Variants in UGT1A5 observed in about 807,000 individuals in gnomAD.
UGT1A5 encodes the protein UDP-glucuronosyltransferase 1A5.
In UGT1A5, 29 loss-of-function variants were observed where a neutral mutation model predicts 40.3. The ratio of observed to expected loss-of-function variants is 0.72; its 90% confidence interval spans 0.54 to 0.98. The LOEUF (loss-of-function observed/expected upper bound fraction) is 0.98, where lower values mean the gene tolerates loss of function less well. Ranked by LOEUF, UGT1A5 falls within the 50% of genes least tolerant of loss-of-function variation. The probability of loss-of-function intolerance (pLI) is 0.00; values close to 1 mark genes in which losing one functional copy is unlikely to be tolerated. For synonymous variants in UGT1A5, 257 were observed against 262.5 expected, an observed-to-expected ratio of 0.98 and a Z score of 0.20; for missense variants, 678 against 677.9, an observed-to-expected ratio of 1.00 and a Z score of 0.00.
chr2:233,713,462 C>T lies in UGT1A5; in HGVS notation c.471C>T (p.Cys157=), dbSNP rs146711966. The T allele has an allele frequency of 1.6e-4, 256 of 1,614,090 alleles. 3 individuals are homozygous for T. The African/African-American group carries it at 2.8e-3, about 18-fold the overall frequency. ...DVVLTDPFHL[C]AAVLAKYLSI... ...TTCTAACAGACCCCTTTCACCTCTG[C>T]GCGGCGGTGCTGGCTAAGTACCTGT... The change falls in exon 1 of 5, where the codon TGC becomes TGT. Residue 157 remains cysteine (C), a synonymous_variant. Transcript: ENST00000373414.
chr2:233,771,327 C>T (rs1000719908), intron 4 of UGT1A5: 1 of 152,118 alleles, frequency 6.6e-6, no homozygotes, highest in African/African-American at 2.4e-5. Context: ...TCTTCAATCT[C>T]CTCTTCATTC....
intron 1 of UGT1A5, among the ~76,000 whole-genome samples, chr2:233,724,747 C>T (rs1469881894): frequency 7.0e-6 from 1 of 143,144 alleles, no homozygotes; most frequent in Admixed American, 7.0e-5. Context: ...TCCTCACATC[C>T]CAGACGATGG....
At chr2:233,729,803 C>T in intron 1 of UGT1A5, 4 of 1,613,928 alleles carry the variant, frequency 2.5e-6, no homozygotes, top group Non-Finnish European at 3.4e-6. Flanking sequence ...ATTTGCCATG[C>T]TTTTTCTGCT....
intron 1 of UGT1A5, chr2:233,743,056 A>T: frequency 3.1e-6 from 1 of 325,774 alleles, no homozygotes; most frequent in South Asian, 2.6e-5. Context: ...AGTCCCAACG[A>T]TAAGAACAGG....
chr2:233,758,249 A>C (rs1008368022), intron 1 of UGT1A5, among the ~76,000 whole-genome samples: 1 of 152,236 alleles, frequency 6.6e-6, no homozygotes, highest in African/African-American at 2.4e-5. Context: ...CCCACTATTC[A>C]GATTAGTAAG....
At position 233,719,785 on chromosome 2, in the gene UGT1A5, A is replaced by G. The variant is rs1575529784; in HGVS notation, c.867+5927A>G. 1.1e-5 allele frequency: 18 copies of G among 1,610,188 alleles called. No homozygotes were observed. In the East Asian group the frequency reaches 3.8e-4, roughly 34 times the overall value. ...TGCTTCCATATCTACTTATCTTTCC[A>G]AAGATTTTATTTTGGCTTCTTTATA... On this transcript the variant is annotated intron_variant, in intron 1 of 4. Transcript: ENST00000373414.
At chr2:233,718,330 T>A (rs2076647730) in intron 1 of UGT1A5, among the ~76,000 whole-genome samples, 1 of 152,162 alleles carries the variant, frequency 6.6e-6, no homozygotes, top group African/African-American at 2.4e-5. Flanking sequence ...GGCTTAGCAA[T>A]GTTGTATGTC....
At position 233,772,889 on chromosome 2, in the gene UGT1A5, T is replaced by C. The variant is rs1433214773; in HGVS notation, c.*330T>C. 3.8e-6 allele frequency: 2 copies of C among 531,532 alleles called. No homozygotes were observed. The highest frequency in any genetic ancestry group is 5.3e-5 in the East Asian group (1 of 18,828). 32.9% of individuals were successfully genotyped at this position (531,532 alleles called of 1,614,324 possible). On this transcript the variant is annotated 3_prime_UTR_variant, in exon 5 of 5. Transcript: ENST00000373414. Reference sequence around the variant, plus strand: ...TGTTTGGGAGTGCGGGATTCAAAGGTGGTCCCACGGCTGCCCCTACTGCAA... The same window carrying C: ...TGTTTGGGAGTGCGGGATTCAAAGGCGGTCCCACGGCTGCCCCTACTGCAA...
intron 1 of UGT1A5, among the ~76,000 whole-genome samples, chr2:233,761,780 C>T (rs762414530): frequency 3.3e-5 from 5 of 152,172 alleles, no homozygotes; most frequent in African/African-American, 9.7e-5. Flanking sequence ...ACATCCTCAT[C>T]GAAATCTCAG....
chr2:233,724,346 CCCA>C (rs2077232466), intron 1 of UGT1A5, among the ~76,000 whole-genome samples: 1 of 148,186 alleles, frequency 6.7e-6, no homozygotes, highest in Non-Finnish European at 1.5e-5. Context: ...GCTGACCCCC[CCCA>C]CCTCCCTCCC....
In UGT1A5 at chr2:233,769,637, G is replaced by T; in HGVS notation, c.1307+1198G>T. On this transcript the variant is annotated intron_variant, in intron 4 of 4. Transcript: ENST00000373414. The surrounding 1 kb of genome is among the most constrained non-coding windows in gnomAD (Gnocchi z 4.4). ...GCTTGAGCAAGGGACAACAGGGGAG[G>T]ACTGATGACTGACTTCCCACCTTTG... is the stretch of plus-strand genomic sequence containing the variant. The T allele has an allele frequency of 1.2e-6, 2 of 1,610,100 alleles. No homozygotes were observed. The highest frequency in any genetic ancestry group is 2.2e-5 in the South Asian group (2 of 90,570).
chr2:233,761,546 G>A (rs1697796734), intron 1 of UGT1A5, among the ~76,000 whole-genome samples: 1 of 152,224 alleles, frequency 6.6e-6, no homozygotes, highest in Admixed American at 6.5e-5. Flanking sequence ...ATTCTTTGAT[G>A]ATGATAGATC....
At position 233,767,068 on chromosome 2, in the gene UGT1A5, A is replaced by G. The variant is rs1055696021; in HGVS notation, c.902A>G (p.His301Arg). 45 of 1,614,026 alleles carry G rather than the reference A, an allele frequency of 2.8e-5. No individual in the cohort carries two copies. Among genetic ancestry groups the G allele is most frequent in the Non-Finnish European group, 3.6e-5 (43 of 1,180,024 alleles). The change falls in exon 2 of 5, where the codon CAT becomes CGT. Residue 301 changes from histidine to arginine, a missense_variant. Physicochemically the swap from His to Arg is conservative, Grantham distance 29. Coordinates refer to ENST00000373414, the MANE Select transcript of UGT1A5 (RefSeq NM_019078.2). ...GCCTACATTAATGCTTCTGGAGAAC[A>G]TGGAATTGTGGTTTTCTCTTTGGGA... Reference protein sequence around the residue: ...FEAYINASGEHGIVVFSLGSM... With the variant: ...FEAYINASGERGIVVFSLGSM...
At chr2:233,759,284 T>G (rs1280598347) in intron 1 of UGT1A5, among the ~76,000 whole-genome samples, 1 of 152,192 alleles carries the variant, frequency 6.6e-6, no homozygotes, top group Non-Finnish European at 1.5e-5. Flanking sequence ...GATTGGTTGA[T>G]GAAGCTGAGC....
chr2:233,714,943 C>T (rs2076424694), intron 1 of UGT1A5, among the ~76,000 whole-genome samples: 1 of 152,186 alleles, frequency 6.6e-6, no homozygotes, highest in Non-Finnish European at 1.5e-5. Context: ...GTGGTGGGAT[C>T]TTGGCTCATT....
chr2:233,756,383 G>C (rs1251159335), intron 1 of UGT1A5: 1 of 151,718 alleles, frequency 6.6e-6, no homozygotes, highest in Non-Finnish European at 1.5e-5. Flanking sequence ...GTAAATAGTT[G>C]TTTTACAGTA....
chr2:233,718,910 G>T (rs760663679), intron 1 of UGT1A5: 2 of 1,614,074 alleles, frequency 1.2e-6, no homozygotes, highest in East Asian at 4.5e-5. Context: ...AGAGTGGAAA[G>T]GTGTTGGTGG....
chr2:233,757,752 A>C (rs979747575), intron 1 of UGT1A5, among the ~76,000 whole-genome samples: 1 of 151,642 alleles, frequency 6.6e-6, no homozygotes, highest in Non-Finnish European at 1.5e-5. Flanking sequence ...GGACATGTTT[A>C]TGTTGCTCCT....
At chr2:233,729,586 G>A (rs138085546) in intron 1 of UGT1A5, 599 of 1,614,044 alleles carry the variant, frequency 3.7e-4, no homozygotes, top group Non-Finnish European at 4.5e-4. Context: ...AACAGACCCC[G>A]TTAACCTCTG....
Sources: allele counts gnomAD v4.1 joint callset (sites outside exome capture counted in the v4.1 genomes callset), GRCh38; gene constraint gnomAD v4.1.1; non-coding constraint Gnocchi (gnomAD v3.1); transcripts MANE v1.5; gene names NCBI Gene and HGNC (gene_info 2026-07-23, HGNC 2026-07-21).